The following BMERB1 variants were observed in gnomAD, a reference collection of about 807,000 sequenced individuals.
The protein encoded by BMERB1 is bMERB domain containing 1, also known as bMERB domain-containing protein 1.
Under a neutral mutation model 23.6 loss-of-function variants are expected in BMERB1, and 12 were observed. That is an observed-to-expected ratio of 0.51 (90% CI 0.33 to 0.82). BMERB1 has a LOEUF of 0.82. Ranked by LOEUF, BMERB1 falls within the 40% of genes least tolerant of loss-of-function variation. The probability of loss-of-function intolerance (pLI) is 0.03; values close to 1 mark genes in which losing one functional copy is unlikely to be tolerated. For missense variants in BMERB1, 247 were observed against 255.4 expected (o/e 0.97, Z 0.22); for synonymous variants, 122 against 96.6 (o/e 1.26, Z -1.54).
At chr16:15,552,208 G>A (rs2150966557) in intron 2 of BMERB1, among the ~76,000 whole-genome samples, 1 of 152,246 alleles carries the variant, frequency 6.6e-6, no homozygotes, top group South Asian at 2.1e-4. Flanking sequence ...GGGAGGCCGA[G>A]GTGGGTGGAT....
chr16:15,574,468 T>A (rs1041373301), intron 3 of BMERB1, among the ~76,000 whole-genome samples: 2 of 151,992 alleles, frequency 1.3e-5, no homozygotes, highest in African/African-American at 2.4e-5. Context: ...GTTCCTCCCA[T>A]AGTTAGTTCA....
At chr16:15,445,919 A>T in intron 1 of BMERB1, among the ~76,000 whole-genome samples, 1 of 152,230 alleles carries the variant, frequency 6.6e-6, no homozygotes. Flanking sequence ...AGCAGTAAAA[A>T]GGAACAGACT....
At chr16:15,580,918 A>G (rs1210520551) in intron 3 of BMERB1, among the ~76,000 whole-genome samples, 1 of 151,196 alleles carries the variant, frequency 6.6e-6, no homozygotes, top group Non-Finnish European at 1.5e-5. Context: ...CTTTCTTGAA[A>G]TGAAGTCTCA....
intron 2 of BMERB1, among the ~76,000 whole-genome samples, chr16:15,558,209 C>T (rs1035363489): frequency 6.6e-6 from 1 of 152,016 alleles, no homozygotes; most frequent in African/African-American, 2.4e-5. Context: ...AAGCCAATCG[C>T]TGTTATGATG....
chr16:15,477,268 C>T (rs1243056658), intron 1 of BMERB1, among the ~76,000 whole-genome samples: 1 of 152,098 alleles, frequency 6.6e-6, no homozygotes, highest in African/African-American at 2.4e-5. Context: ...ATGCCAGACA[C>T]TTATAAAACC....
At chr16:15,551,284 T>G (rs2030084444) in intron 2 of BMERB1, among the ~76,000 whole-genome samples, 1 of 152,148 alleles carries the variant, frequency 6.6e-6, no homozygotes, top group African/African-American at 2.4e-5. Flanking sequence ...CTGCCAGCCT[T>G]CCTTCCTTCC....
chr16:15,558,375 G>A, intron 2 of BMERB1, among the ~76,000 whole-genome samples: 1 of 152,086 alleles, frequency 6.6e-6, no homozygotes, highest in East Asian at 1.9e-4. Flanking sequence ...GTGATTGGAG[G>A]CAAGGAAAAG....
chr16:15,509,328 A>AGGGG, intron 1 of BMERB1, among the ~76,000 whole-genome samples: 1 of 56,740 alleles, frequency 1.8e-5, no homozygotes, highest in East Asian at 4.5e-4. Flanking sequence ...GTGGAGTGGA[A>AGGGG]GGGGGGTGGG....
chr16:15,578,305 C>G (rs2030923504), intron 3 of BMERB1, among the ~76,000 whole-genome samples: 1 of 150,842 alleles, frequency 6.6e-6, no homozygotes, highest in South Asian at 2.1e-4. Flanking sequence ...CTTAAGTGAT[C>G]CTCCTGCTTC....
intron 1 of BMERB1, among the ~76,000 whole-genome samples, chr16:15,508,547 G>A (rs2051620075): frequency 6.6e-6 from 1 of 152,122 alleles, no homozygotes; most frequent in African/African-American, 2.4e-5. Context: ...CAGACTAAAT[G>A]AGATGAGATT....
At chr16:15,489,871 A>G (rs1300897465) in intron 1 of BMERB1, among the ~76,000 whole-genome samples, 1 of 151,836 alleles carries the variant, frequency 6.6e-6, no homozygotes, top group Non-Finnish European at 1.5e-5. Flanking sequence ...TCCAGATCCA[A>G]TATCTTTTTT....
intron 1 of BMERB1, chr16:15,448,155 G>A (rs374693234): frequency 6.4e-6 from 2 of 311,820 alleles, no homozygotes; most frequent in Non-Finnish European, 1.3e-5. Flanking sequence ...CTGCCAACGC[G>A]CTGGGATTAC....
intron 1 of BMERB1, among the ~76,000 whole-genome samples, chr16:15,473,885 C>T (rs143568413): frequency 6.4e-4 from 97 of 151,892 alleles, no homozygotes; most frequent in African/African-American, 2.1e-3. Context: ...TTTGGGAGGC[C>T]GAGGCAGGCG....
At chr16:15,473,811 G>C (rs1318324545) in intron 1 of BMERB1, among the ~76,000 whole-genome samples, 1 of 151,954 alleles carries the variant, frequency 6.6e-6, no homozygotes, top group African/African-American at 2.4e-5. Context: ...CATTTAAATT[G>C]ATGTTCCCTT....
chr16:15,503,533 C>T (rs866030410), intron 1 of BMERB1, among the ~76,000 whole-genome samples: 2 of 150,950 alleles, frequency 1.3e-5, no homozygotes, highest in African/African-American at 4.9e-5. Context: ...CTCCTGACCT[C>T]GTGATCCATC....
intron 2 of BMERB1, among the ~76,000 whole-genome samples, chr16:15,532,201 A>G (rs1207214246): frequency 1.3e-5 from 2 of 151,976 alleles, no homozygotes; most frequent in African/African-American, 4.8e-5. Flanking sequence ...GGTTCTGCCA[A>G]ACGTGGTAGG....
intron 1 of BMERB1, among the ~76,000 whole-genome samples, chr16:15,480,708 G>A (rs1717474685): frequency 1.3e-5 from 2 of 148,728 alleles, no homozygotes; most frequent in South Asian, 2.1e-4. Context: ...CCGTCTCCCA[G>A]GTTCAAGTGA....
intron 1 of BMERB1, among the ~76,000 whole-genome samples, chr16:15,462,710 C>G (rs2051146417): frequency 1.3e-5 from 2 of 152,084 alleles, no homozygotes; most frequent in South Asian, 4.1e-4. Flanking sequence ...GGCTTGAGCA[C>G]AGACATTTAG....
chr16:15,478,720 G>T (rs1567461968), intron 1 of BMERB1, among the ~76,000 whole-genome samples: 1 of 152,160 alleles, frequency 6.6e-6, no homozygotes, highest in Non-Finnish European at 1.5e-5. Context: ...GCACAAGAAG[G>T]CAGGGCACCC....
Sources: allele counts gnomAD v4.1 joint callset (sites outside exome capture counted in the v4.1 genomes callset), GRCh38; gene constraint gnomAD v4.1.1; transcripts MANE v1.5; gene names NCBI Gene and HGNC (gene_info 2026-07-23, HGNC 2026-07-21).